The following CSGALNACT1 variants were observed in gnomAD, a reference collection of about 807,000 sequenced individuals.
The protein encoded by CSGALNACT1 is beta4GalNAcT-1.
A neutral mutation model predicts 51.0 loss-of-function variants in CSGALNACT1; 52 were observed. The observed-to-expected ratio is 1.02, with a 90% CI of 0.82 to 1.29. The LOEUF (loss-of-function observed/expected upper bound fraction) is 1.29. Among genes scored for constraint, CSGALNACT1 ranks in the 50% most tolerant of loss-of-function variants. CSGALNACT1 has a pLI of 0.00. For synonymous variants in CSGALNACT1, 341 were observed against 254.4 expected (o/e 1.34, Z -3.24); for missense variants, 935 against 679.2 (o/e 1.38, Z -4.19).
At chr8:19,717,988 C>A (rs957529115) in intron 1 of CSGALNACT1, among the ~76,000 whole-genome samples, 6 of 152,218 alleles carry the variant, frequency 3.9e-5, no homozygotes, top group African/African-American at 1.4e-4. Context: ...CATCCACCAT[C>A]CGCCATCAAG....
At chr8:19,636,342 A>G (rs2056060762) in intron 1 of CSGALNACT1, among the ~76,000 whole-genome samples, 1 of 152,114 alleles carries the variant, frequency 6.6e-6, no homozygotes, top group African/African-American at 2.4e-5. Context: ...AAACACTATA[A>G]TATATATTAG....
At chr8:19,746,574 T>C (rs1427332492) in intron 1 of CSGALNACT1, among the ~76,000 whole-genome samples, 1 of 152,234 alleles carries the variant, frequency 6.6e-6, no homozygotes, top group Non-Finnish European at 1.5e-5. Context: ...GTACAGGTCA[T>C]CTCAAACCTG....
intron 4 of CSGALNACT1, among the ~76,000 whole-genome samples, chr8:19,488,144 G>C (rs1011595632): frequency 2.0e-5 from 3 of 151,870 alleles, no homozygotes; most frequent in South Asian, 2.1e-4. Flanking sequence ...AAGGTCAGGA[G>C]CTCGAGACCA....
At chr8:19,566,213 A>G (rs1320121323) in intron 3 of CSGALNACT1, among the ~76,000 whole-genome samples, 10 of 152,188 alleles carry the variant, frequency 6.6e-5, no homozygotes, top group African/African-American at 2.2e-4. Context: ...GTATTCTTGT[A>G]AGAGAGAGGC....
intron 1 of CSGALNACT1, among the ~76,000 whole-genome samples, chr8:19,717,132 C>T (rs2062855629): frequency 6.6e-6 from 1 of 152,174 alleles, no homozygotes; most frequent in African/African-American, 2.4e-5. Flanking sequence ...GTAAAATTAT[C>T]ATTTTAAGAA....
At chr8:19,676,180 A>G (rs534713803) in intron 1 of CSGALNACT1, among the ~76,000 whole-genome samples, 4 of 152,102 alleles carry the variant, frequency 2.6e-5, no homozygotes, top group Non-Finnish European at 4.4e-5. Flanking sequence ...ATGCAAAATT[A>G]CTCAAGGCAC....
intron 1 of CSGALNACT1, among the ~76,000 whole-genome samples, chr8:19,704,289 GT>G (rs1182657806): frequency 3.9e-5 from 6 of 152,180 alleles, no homozygotes; most frequent in African/African-American, 1.4e-4. Context: ...ATATTATATT[GT>G]TAGATGGAGA....
chr8:19,665,333 G>A (rs73214687), intron 1 of CSGALNACT1, among the ~76,000 whole-genome samples: 3,008 of 152,286 alleles, frequency 0.02, 49 homozygotes, highest in South Asian at 0.048. Context: ...TCACAGCCAA[G>A]TTACATTAAA....
chr8:19,632,128 C>CA (rs1211704311), intron 1 of CSGALNACT1, among the ~76,000 whole-genome samples: 1 of 152,158 alleles, frequency 6.6e-6, no homozygotes, highest in Non-Finnish European at 1.5e-5. Flanking sequence ...AAACAAAGTG[C>CA]AAAAACCAAA....
At chr8:19,670,113 C>A (rs1006601681) in intron 1 of CSGALNACT1, among the ~76,000 whole-genome samples, 5 of 152,312 alleles carry the variant, frequency 3.3e-5, no homozygotes, top group Non-Finnish European at 5.9e-5. Context: ...GTCCCCAGAT[C>A]GCATGCAACT....
chr8:19,599,932 C>G (rs951310019), intron 2 of CSGALNACT1, among the ~76,000 whole-genome samples: 5 of 152,204 alleles, frequency 3.3e-5, no homozygotes, highest in Non-Finnish European at 5.9e-5. Flanking sequence ...CACAGGATCC[C>G]AGCAAGGGGA....
At chr8:19,510,022 G>C (rs533840313) in intron 3 of CSGALNACT1, among the ~76,000 whole-genome samples, 1 of 152,198 alleles carries the variant, frequency 6.6e-6, no homozygotes, top group African/African-American at 2.4e-5. Context: ...AGGACCCCTG[G>C]AAGAAGGGAG....
At chr8:19,589,198 G>A (rs2047287490) in intron 3 of CSGALNACT1, among the ~76,000 whole-genome samples, 2 of 152,140 alleles carry the variant, frequency 1.3e-5, no homozygotes. Flanking sequence ...GCGTTTCTTT[G>A]AGGAGAAAAC....
intron 1 of CSGALNACT1, among the ~76,000 whole-genome samples, chr8:19,634,856 G>T (rs2055808367): frequency 6.6e-6 from 1 of 152,136 alleles, no homozygotes; most frequent in South Asian, 2.1e-4. Context: ...TCGGCCTATG[G>T]TATTTTGTGA....
At chr8:19,743,930 C>T (rs1275201867) in intron 1 of CSGALNACT1, among the ~76,000 whole-genome samples, 1 of 151,670 alleles carries the variant, frequency 6.6e-6, no homozygotes, top group African/African-American at 2.4e-5. Flanking sequence ...AATTTTTATG[C>T]AATATATTTG....
intron 3 of CSGALNACT1, among the ~76,000 whole-genome samples, chr8:19,525,707 TGCCAAGTGACAACAGAGA>T (rs1295018793): frequency 4.2e-5 from 6 of 143,636 alleles, no homozygotes; most frequent in African/African-American, 1.6e-4. Context: ...AGAGAAAAGT[TGCCAAGTGACAACAGAGA>T]GAAAGCAGCC....
chr8:19,579,242 T>C (rs1564129639), intron 3 of CSGALNACT1, among the ~76,000 whole-genome samples: 1 of 152,150 alleles, frequency 6.6e-6, no homozygotes, highest in Non-Finnish European at 1.5e-5. Context: ...TCAGCTCACG[T>C]CACTTTCCTC....
At chr8:19,537,611 C>T (rs2084059156) in intron 3 of CSGALNACT1, among the ~76,000 whole-genome samples, 1 of 152,186 alleles carries the variant, frequency 6.6e-6, no homozygotes, top group Admixed American at 6.5e-5. Context: ...GGGAAGCCTG[C>T]AGGCTGCAAC....
chr8:19,557,275 C>G (rs1053640171), intron 3 of CSGALNACT1, among the ~76,000 whole-genome samples: 18 of 152,186 alleles, frequency 1.2e-4, no homozygotes, highest in African/African-American at 4.1e-4. Flanking sequence ...GATCTCTTGC[C>G]TTAAAACTGT....
Sources: allele counts gnomAD v4.1 joint callset (sites outside exome capture counted in the v4.1 genomes callset), GRCh38; gene constraint gnomAD v4.1.1; transcripts MANE v1.5; gene names NCBI Gene and HGNC (gene_info 2026-07-23, HGNC 2026-07-21).